Variants in UBXN2A observed in about 807,000 individuals in gnomAD.
UBXN2A encodes UBX domain-containing protein 2A.
Under a neutral mutation model 28.4 loss-of-function variants are expected in UBXN2A, and 28 were observed. That is an observed-to-expected ratio of 0.99 (90% CI 0.73 to 1.35). The LOEUF (loss-of-function observed/expected upper bound fraction) is 1.35. Among genes scored for constraint, UBXN2A ranks in the 40% most tolerant of loss-of-function variants. The pLI, the probability that UBXN2A is intolerant of heterozygous loss-of-function variation, is 0.00. For synonymous variants in UBXN2A, 97 were observed against 103.6 expected (o/e 0.94, Z 0.39); for missense variants, 253 against 297.9 (o/e 0.85, Z 1.11).
At position 23,971,380 on chromosome 2, in the gene UBXN2A, C is replaced by T; in HGVS notation, c.146C>T (p.Ser49Phe). The change falls in exon 3 of 7, where the codon TCC becomes TTC. Residue 49 changes from serine to phenylalanine, a missense_variant. Coordinates refer to ENST00000309033, the MANE Select transcript of UBXN2A (RefSeq NM_181713.4). ...SLFEEAQKVS[S>F]KCVSPAEQKK... ...TTTGAGGAAGCTCAGAAGGTTAGTT[C>T]CAAATGTGTGTCTCCCGCTGAACAG... 6.4e-7 allele frequency: 1 copy of T among 1,568,326 alleles called. No homozygotes were observed.
At chr2:23,965,379 G>A (rs560036742) in intron 2 of UBXN2A, among the ~76,000 whole-genome samples, 116 of 152,288 alleles carry the variant, frequency 7.6e-4, no homozygotes, top group Non-Finnish European at 6.5e-4. Flanking sequence ...ACCAAGTTGA[G>A]AAAGTTCCCT....
At chr2:23,982,144 G>C (rs559050105) in intron 4 of UBXN2A, among the ~76,000 whole-genome samples, 8 of 151,926 alleles carry the variant, frequency 5.3e-5, no homozygotes, top group Admixed American at 5.3e-4. Flanking sequence ...CAGAACACAA[G>C]GTCAGGAGAT....
At chr2:23,944,070 G>A (rs914845038) in intron 1 of UBXN2A, 48 of 624,144 alleles carry the variant, frequency 7.7e-5, no homozygotes, top group Non-Finnish European at 1.4e-4. Context: ...CCATGGCTCT[G>A]GTATTGCTTT....
intron 1 of UBXN2A, among the ~76,000 whole-genome samples, chr2:23,950,780 T>G (rs1466442021): frequency 2.6e-5 from 4 of 152,022 alleles, no homozygotes; most frequent in Admixed American, 2.0e-4. Flanking sequence ...CTTGGCTCAC[T>G]GCAACCTCCA....
chr2:23,959,615 AT>A (rs1275042644), intron 2 of UBXN2A, among the ~76,000 whole-genome samples: 1 of 152,220 alleles, frequency 6.6e-6, no homozygotes, highest in East Asian at 1.9e-4. Flanking sequence ...TATACTCATG[AT>A]TATAATTTAT....
At chr2:23,969,917 C>A (rs1707342906) in intron 2 of UBXN2A, among the ~76,000 whole-genome samples, 2 of 152,156 alleles carry the variant, frequency 1.3e-5, no homozygotes, top group African/African-American at 2.4e-5. Flanking sequence ...GATGCATTAT[C>A]CCCTTTAGTT....
At chr2:23,961,839 C>A (rs1479552849) in intron 2 of UBXN2A, among the ~76,000 whole-genome samples, 7 of 148,430 alleles carry the variant, frequency 4.7e-5, no homozygotes, top group African/African-American at 1.7e-4. Context: ...AACCACCGCA[C>A]CCGGCCTTTT....
At chr2:23,978,439 C>T (rs1035652792) in intron 4 of UBXN2A, among the ~76,000 whole-genome samples, 3 of 151,778 alleles carry the variant, frequency 2.0e-5, no homozygotes, top group African/African-American at 4.8e-5. Context: ...GTCAGGAGAT[C>T]GAGACCATCC....
Position 24,003,755 on chromosome 2 carries a change from T to C in UBXN2A, c.*3888T>C, listed in dbSNP as rs1335144845. ...AAAAAAAAAAAAAAAGAGGCAATGATAAAATCAATGAGCTTATCTTTCTGA... is the reference window on the plus strand; with the variant it reads ...AAAAAAAAAAAAAAAGAGGCAATGACAAAATCAATGAGCTTATCTTTCTGA... On this transcript the variant is annotated 3_prime_UTR_variant, in exon 7 of 7. Coordinates refer to ENST00000309033, the MANE Select transcript of UBXN2A (RefSeq NM_181713.4). 7.0e-6 allele frequency: 1 copy of C among 142,462 alleles called. No individual in the cohort carries two copies. Among genetic ancestry groups the C allele is most frequent in the Non-Finnish European group, 1.5e-5 (1 of 65,682 alleles). The allele number at this position is 142,462 out of a possible 1,614,324, so 8.8% of individuals were successfully genotyped here.
At chr2:23,991,967 GTTTTT>G (rs895625066) in intron 6 of UBXN2A, among the ~76,000 whole-genome samples, 3 of 150,776 alleles carry the variant, frequency 2.0e-5, no homozygotes, top group Non-Finnish European at 3.0e-5. Context: ...AATTTTTGGG[GTTTTT>G]TGTTTTGTTT....
rs113175515 is a variant in UBXN2A at position 23,956,608 on chromosome 2, C to T, written c.-14-1693C>T. Among the ~76,000 whole-genome samples the T allele has an allele frequency of 5.6e-3, 859 of 152,292 alleles. 10 individuals are homozygous for T. The highest frequency in any genetic ancestry group is 0.018 in the African/African-American group (755 of 41,546). On this transcript the variant is annotated intron_variant, in intron 1 of 6. Transcript: ENST00000309033. ...CCTCAGGTGATCCACCCTCCTTGGC[C>T]TCCCAAAGTGCTGGGATTACAGACG...
intron 1 of UBXN2A, among the ~76,000 whole-genome samples, chr2:23,941,645 A>G (rs1001637212): frequency 1.3e-5 from 2 of 152,222 alleles, no homozygotes; most frequent in Non-Finnish European, 2.9e-5. Context: ...AATAATTAGC[A>G]TACACTTGAT....
chr2:23,949,579 A>T lies in UBXN2A; in HGVS notation c.-14-8722A>T, dbSNP rs145540865. ...AAATAAATAAATAATAAAAATAAAA[A>T]TAAGTTTATTTATAGCCGGGCGTGG... is the stretch of plus-strand genomic sequence containing the variant. On this transcript the variant is annotated intron_variant, in intron 1 of 6. Coordinates refer to ENST00000309033, the MANE Select transcript of UBXN2A (RefSeq NM_181713.4). 9.0e-4 allele frequency among the ~76,000 whole-genome samples: 137 copies of T among 151,576 alleles called. 2 individuals are homozygous for T. The East Asian group carries it at 0.025, about 28-fold the overall frequency.
chr2:23,971,438 C>CT (rs767070570), intron 3 of UBXN2A, 24 bp downstream of exon 3: 521 of 1,468,418 alleles, frequency 3.5e-4, no homozygotes, highest in South Asian at 1.7e-3. Flanking sequence ...TATTACTTTT[C>CT]TTTTTCTTTC....
intron 2 of UBXN2A, among the ~76,000 whole-genome samples, chr2:23,969,722 T>C (rs538101212): frequency 1.3e-5 from 2 of 152,268 alleles, no homozygotes; most frequent in Non-Finnish European, 2.9e-5. Context: ...AACCAGCTAC[T>C]TGGGGGAGAA....
chr2:23,975,846 G>A (rs923578643), intron 3 of UBXN2A, among the ~76,000 whole-genome samples: 39 of 152,082 alleles, frequency 2.6e-4, no homozygotes, highest in African/African-American at 9.4e-4. Flanking sequence ...GGCTGGTCTT[G>A]AACTCCTGAC....
At chr2:23,955,531 C>T (rs1282660068) in intron 1 of UBXN2A, among the ~76,000 whole-genome samples, 2 of 152,108 alleles carry the variant, frequency 1.3e-5, no homozygotes, top group Admixed American at 1.3e-4. Context: ...GGCATACATT[C>T]TGGAAAGTGT....
At chr2:23,931,951 C>T (rs12621406) in intron 1 of UBXN2A, among the ~76,000 whole-genome samples, 18,435 of 151,404 alleles carry the variant, frequency 0.12, 1,216 homozygotes, top group Middle Eastern at 0.21. Flanking sequence ...GCAGAGATTG[C>T]AGTGAGCCGA....
Position 23,999,778 on chromosome 2 carries a change from C to T in UBXN2A, c.691C>T (p.Leu231Phe), listed in dbSNP as rs1449991011. The T allele has an allele frequency of 1.2e-6, 2 of 1,614,176 alleles. No homozygotes were observed. The highest frequency in any genetic ancestry group is 1.7e-5 in the Admixed American group (1 of 60,014). The change falls in exon 7 of 7, where the codon CTC becomes TTC. Residue 231 changes from leucine to phenylalanine, a missense_variant. By Grantham distance (22) the Leu-to-Phe change is conservative. Coordinates refer to ENST00000309033, the MANE Select transcript of UBXN2A (RefSeq NM_181713.4). ...TGTCCTCAGGTTGCTAGATGAGACA[C>T]TCACACTGGAAGAAGCAGATTTACA... ...LPVLRLLDET[L>F]TLEEADLQNA...
Sources: gnomAD v4.1 joint callset for allele counts (sites outside exome capture counted in the v4.1 genomes callset) on GRCh38, gnomAD v4.1.1 for gene constraint, MANE v1.5 for transcripts, NCBI Gene and HGNC (gene_info 2026-07-23, HGNC 2026-07-21) for gene names.